Variants in HERC4 observed in about 807,000 individuals in gnomAD.
HERC4 encodes HECT and RLD domain containing E3 ubiquitin protein ligase 4.
A neutral mutation model predicts 124.3 loss-of-function variants in HERC4; 28 were observed. The observed-to-expected ratio is 0.23, with a 90% CI of 0.17 to 0.31. The LOEUF is 0.31. Among genes scored for constraint, HERC4 ranks in the 10% least tolerant of loss-of-function variants. The pLI, the probability that HERC4 is intolerant of heterozygous loss-of-function variation, is 1.00. For missense variants in HERC4, 713 were observed against 1,229.3 expected, an observed-to-expected ratio of 0.58 and a Z score of 6.28; for synonymous variants, 407 against 421.5, an observed-to-expected ratio of 0.97 and a Z score of 0.42.
rs1025560286 is a variant in HERC4, at chr10:67,947,280, C to T, written c.2338-6175G>A. Among the ~76,000 whole-genome samples the T allele has an allele frequency of 2.0e-5, 3 of 152,130 alleles. No individual in the cohort carries two copies. In the South Asian group the frequency reaches 6.2e-4, roughly 31 times the overall value. ...TCCAAAGACAGAAATAGGTGGAAAACAGTTATTCCATGTAAATAGTAACAA... is the reference window on the plus strand; with the variant it reads ...TCCAAAGACAGAAATAGGTGGAAAATAGTTATTCCATGTAAATAGTAACAA... On this transcript the variant is annotated intron_variant, in intron 19 of 24. Transcript: ENST00000373700.
At chr10:68,008,202 G>A (rs1481774878) in intron 9 of HERC4, among the ~76,000 whole-genome samples, 2 of 152,156 alleles carry the variant, frequency 1.3e-5, no homozygotes, top group Non-Finnish European at 2.9e-5. Context: ...GGGTAGAGGT[G>A]ATGCAAGCAC....
intron 11 of HERC4, 36 bp from the exon 12 acceptor site, chr10:67,991,235 T>G: frequency 1.6e-6 from 2 of 1,218,414 alleles, no homozygotes; most frequent in Non-Finnish European, 2.3e-6. Context: ...AATCATAGAA[T>G]CAGAAATTTA....
chr10:67,940,170 C>T (rs936070005), intron 20 of HERC4, among the ~76,000 whole-genome samples: 62 of 152,244 alleles, frequency 4.1e-4, no homozygotes, highest in African/African-American at 1.4e-3. Flanking sequence ...TCGTGATCTG[C>T]CCACCTTGGC....
At chr10:68,023,512 A>G (rs2038748760) in intron 8 of HERC4, among the ~76,000 whole-genome samples, 2 of 152,218 alleles carry the variant, frequency 1.3e-5, no homozygotes, top group African/African-American at 4.8e-5. Flanking sequence ...TTAAATTCAC[A>G]GAGACAGGAA....
chr10:67,964,444 T>G (rs950123723), intron 16 of HERC4, among the ~76,000 whole-genome samples: 1 of 152,130 alleles, frequency 6.6e-6, no homozygotes, highest in African/African-American at 2.4e-5. Flanking sequence ...TCTCCAAGAT[T>G]CCCTTTTATC....
intron 3 of HERC4, chr10:68,067,545 T>C (rs1589474574): frequency 6.6e-6 from 1 of 152,238 alleles, no homozygotes; most frequent in Non-Finnish European, 1.5e-5. Flanking sequence ...AGTAACTTTA[T>C]TTCCCATAGT....
At chr10:67,977,330 C>T (rs1160066265) in intron 15 of HERC4, among the ~76,000 whole-genome samples, 2 of 152,054 alleles carry the variant, frequency 1.3e-5, no homozygotes, top group Non-Finnish European at 2.9e-5. Flanking sequence ...CCCACTGCCT[C>T]GAAAAGAAAG....
chr10:67,998,043 T>C (rs1001224719), intron 9 of HERC4, among the ~76,000 whole-genome samples: 1 of 151,752 alleles, frequency 6.6e-6, no homozygotes, highest in Non-Finnish European at 1.5e-5. Flanking sequence ...GGACTATAGG[T>C]GCGTGCCACC....
At chr10:67,932,010 T>A (rs1564918371) in intron 23 of HERC4, among the ~76,000 whole-genome samples, 2 of 152,180 alleles carry the variant, frequency 1.3e-5, no homozygotes, top group African/African-American at 2.4e-5. Context: ...CAGGGTGGAA[T>A]GCAGTGGCAC....
intron 5 of HERC4, among the ~76,000 whole-genome samples, chr10:68,036,012 G>A (rs2039443828): frequency 6.6e-6 from 1 of 152,004 alleles, no homozygotes; most frequent in African/African-American, 2.4e-5. Flanking sequence ...TTCATACTAA[G>A]GGCTCTAAAA....
At chr10:68,023,784 T>C (rs908506804) in intron 8 of HERC4, among the ~76,000 whole-genome samples, 4 of 152,142 alleles carry the variant, frequency 2.6e-5, no homozygotes, top group African/African-American at 9.7e-5. Flanking sequence ...GTTGATTCCT[T>C]ACTTGAACAT....
chr10:68,051,341 ATT>A (rs34027809), intron 3 of HERC4, among the ~76,000 whole-genome samples: 124 of 129,958 alleles, frequency 9.5e-4, no homozygotes, highest in Non-Finnish European at 8.1e-4. Flanking sequence ...TGTTAACACT[ATT>A]TTTTTTTTTT....
intron 3 of HERC4, among the ~76,000 whole-genome samples, chr10:68,047,044 A>G (rs2040048071): frequency 6.6e-6 from 1 of 152,212 alleles, no homozygotes; most frequent in Non-Finnish European, 1.5e-5. Context: ...AGCTGAGGTA[A>G]GAGAAGGAGT....
intron 4 of HERC4, chr10:68,039,863 T>C: frequency 1.0e-6 from 1 of 998,418 alleles, no homozygotes. Context: ...AAAAAAACAC[T>C]ATTCTGAGTA....
intron 20 of HERC4, among the ~76,000 whole-genome samples, chr10:67,940,316 A>C (rs532006408): frequency 6.6e-6 from 1 of 152,368 alleles, no homozygotes; most frequent in South Asian, 2.1e-4. Flanking sequence ...GGTTATCAGA[A>C]GTAAAAGTCC....
chr10:68,059,553 A>ATATATATCATAT lies in HERC4; in HGVS notation c.226+13329_226+13330insATATGATATATA, dbSNP rs1564607520. On this transcript the variant is annotated intron_variant, in intron 3 of 24. Coordinates refer to ENST00000373700, the MANE Select transcript of HERC4 (RefSeq NM_015601.4). ...ATTATATATCATATTATATATCATAATATATATCATAATATTATATATCAT... is the reference window on the plus strand; with the variant it reads ...ATTATATATCATATTATATATCATAATATATATCATATTATATATCATAATATTATATATCAT... Among the ~76,000 whole-genome samples the ATATATATCATAT allele has an allele frequency of 1.3e-3, 114 of 88,082 alleles. 9 individuals carry two copies. The East Asian group carries it at 0.036, about 28-fold the overall frequency. 57.8% of individuals were successfully genotyped at this position (88,082 alleles called of 152,430 possible).
intron 23 of HERC4, 28 bp downstream of exon 23, chr10:67,932,569 A>G: frequency 6.4e-7 from 1 of 1,562,546 alleles, no homozygotes; most frequent in Non-Finnish European, 8.7e-7. Flanking sequence ...TTTCCATTTA[A>G]CAATATCAGA....
At chr10:68,047,719 C>G (rs992556135) in intron 3 of HERC4, among the ~76,000 whole-genome samples, 4 of 152,168 alleles carry the variant, frequency 2.6e-5, no homozygotes, top group Non-Finnish European at 5.9e-5. Context: ...AGACAAAACA[C>G]TGACAACACC....
At chr10:68,063,836 G>C (rs543872134) in intron 3 of HERC4, among the ~76,000 whole-genome samples, 1 of 152,108 alleles carries the variant, frequency 6.6e-6, no homozygotes, top group Non-Finnish European at 1.5e-5. Flanking sequence ...CTACTCAGGA[G>C]GCCAAGGCAA....
Sources: gnomAD v4.1 joint callset for allele counts (sites outside exome capture counted in the v4.1 genomes callset) on GRCh38, gnomAD v4.1.1 for gene constraint, MANE v1.5 for transcripts, NCBI Gene and HGNC (gene_info 2026-07-23, HGNC 2026-07-21) for gene names.